Variants in ROBO1 observed in about 807,000 individuals in gnomAD.
The protein encoded by ROBO1 is roundabout homolog 1.
Under a neutral mutation model 195.9 loss-of-function variants are expected in ROBO1, and 149 were observed. That is an observed-to-expected ratio of 0.76 (90% CI 0.67 to 0.87). The LOEUF (loss-of-function observed/expected upper bound fraction) is 0.87, where lower values mean the gene tolerates loss of function less well. Ranked by LOEUF, ROBO1 falls within the 40% of genes least tolerant of loss-of-function variation. ROBO1 has a pLI of 0.00. For missense variants in ROBO1, 1,933 were observed against 2,068.3 expected, an observed-to-expected ratio of 0.93 and a Z score of 1.27; for synonymous variants, 816 against 733.2, an observed-to-expected ratio of 1.11 and a Z score of -1.82.
chr3:79,552,967 A>G lies in ROBO1; in HGVS notation c.88+36857T>C, dbSNP rs935387702. The stretch of plus-strand genomic sequence containing the variant: ...TGCTAAGGCCATTATGGCTCATGTA[A>G]ACAAATGGAAATATAATCTTGTGCA... On this transcript the variant is annotated intron_variant, in intron 2 of 30. Transcript: ENST00000464233. 7.4e-4 allele frequency among the ~76,000 whole-genome samples: 112 copies of G among 152,066 alleles called. 1 individual carries two copies. Among genetic ancestry groups the G allele is most frequent in the Non-Finnish European group, 1.5e-4 (10 of 67,954 alleles).
At chr3:78,853,579 C>T (rs555611100) in intron 4 of ROBO1, among the ~76,000 whole-genome samples, 2 of 151,802 alleles carry the variant, frequency 1.3e-5, no homozygotes, top group South Asian at 4.2e-4. Flanking sequence ...CTAGATGTTG[C>T]TATAAAGGTA....
chr3:78,989,434 CAAA>C (rs1292397224), intron 3 of ROBO1, among the ~76,000 whole-genome samples: 2 of 152,024 alleles, frequency 1.3e-5, no homozygotes, highest in Non-Finnish European at 2.9e-5. Context: ...GCCAACATGG[CAAA>C]ACCTTGTCTC....
At chr3:78,633,123 G>T (rs1705279102) in intron 24 of ROBO1, among the ~76,000 whole-genome samples, 1 of 152,166 alleles carries the variant, frequency 6.6e-6, no homozygotes, top group South Asian at 2.1e-4. Flanking sequence ...TTGGCTAAAA[G>T]CCCCTAAGAA....
chr3:79,546,568 A>T (rs1330121475), intron 2 of ROBO1, among the ~76,000 whole-genome samples: 2 of 152,152 alleles, frequency 1.3e-5, no homozygotes. Flanking sequence ...TATAGGATAC[A>T]CTCCACTTTT....
intron 2 of ROBO1, among the ~76,000 whole-genome samples, chr3:79,264,178 T>C (rs2108949862): frequency 6.6e-6 from 1 of 152,174 alleles, no homozygotes; most frequent in East Asian, 1.9e-4. Context: ...TCCTGCTTTT[T>C]CAACCCACTG....
chr3:79,508,655 G>A (rs577697138), intron 2 of ROBO1, among the ~76,000 whole-genome samples: 1 of 152,144 alleles, frequency 6.6e-6, no homozygotes, highest in East Asian at 1.9e-4. Context: ...ATTAAAATTT[G>A]TGTTAGTATT....
At chr3:79,148,034 C>CT (rs1408985274) in intron 2 of ROBO1, among the ~76,000 whole-genome samples, 1 of 151,806 alleles carries the variant, frequency 6.6e-6, no homozygotes, top group African/African-American at 2.4e-5. Context: ...TCAGAAATAG[C>CT]TTTTTTCTTT....
intron 2 of ROBO1, among the ~76,000 whole-genome samples, chr3:79,522,263 A>C (rs1941240549): frequency 6.6e-6 from 1 of 151,994 alleles, no homozygotes. Flanking sequence ...GTTTTTCTGC[A>C]ATAGTCCCCT....
intron 26 of ROBO1, among the ~76,000 whole-genome samples, chr3:78,626,979 CA>C (rs1704834900): frequency 6.6e-6 from 1 of 152,006 alleles, no homozygotes; most frequent in Admixed American, 6.6e-5. Flanking sequence ...CTTATTGATA[CA>C]AAAGGAACAC....
intron 2 of ROBO1, among the ~76,000 whole-genome samples, chr3:79,537,906 T>TA (rs111873406): frequency 0.23 from 34,666 of 151,444 alleles, 5,337 homozygotes; most frequent in African/African-American, 0.42. Context: ...AAAATAAAAA[T>TA]AAAAAAACAC....
chr3:78,653,309 G>A (rs538872433), intron 18 of ROBO1, among the ~76,000 whole-genome samples: 33 of 152,038 alleles, frequency 2.2e-4, no homozygotes, highest in Non-Finnish European at 4.0e-4. Flanking sequence ...CTCCCTGTGG[G>A]ATATGTAGAT....
chr3:79,000,670 T>C (rs1322305698), intron 3 of ROBO1, among the ~76,000 whole-genome samples: 2 of 152,002 alleles, frequency 1.3e-5, no homozygotes, highest in Non-Finnish European at 2.9e-5. Flanking sequence ...TTTTACACTG[T>C]TGGGAGTGTA....
At chr3:78,882,913 A>C (rs1347956633) in intron 4 of ROBO1, among the ~76,000 whole-genome samples, 1 of 151,346 alleles carries the variant, frequency 6.6e-6, no homozygotes, top group African/African-American at 2.4e-5. Context: ...CCCAGGTTCA[A>C]GCAATGATCC....
At chr3:79,765,362 GC>G (rs1704928098) in intron 1 of ROBO1, among the ~76,000 whole-genome samples, 1 of 152,180 alleles carries the variant, frequency 6.6e-6, no homozygotes, top group African/African-American at 2.4e-5. Flanking sequence ...TCTGCTCCGA[GC>G]TGCTGCTGCT....
At chr3:79,746,006 A>T (rs1202310410) in intron 1 of ROBO1, among the ~76,000 whole-genome samples, 1 of 152,140 alleles carries the variant, frequency 6.6e-6, no homozygotes, top group Non-Finnish European at 1.5e-5. Context: ...GCCACAGAAT[A>T]CGAGAATGTG....
Position 78,661,928 on chromosome 3 carries a change from T to C in ROBO1, c.2088+65A>G. The C allele has an allele frequency of 2.6e-6, 4 of 1,531,050 alleles. No homozygotes were observed. The South Asian group carries it at 3.7e-5, about 14-fold the overall frequency. 94.8% of individuals were successfully genotyped at this position (1,531,050 alleles called of 1,614,324 possible). On this transcript the variant is annotated intron_variant, in intron 15 of 30. Coordinates refer to ENST00000464233, the MANE Select transcript of ROBO1 (RefSeq NM_002941.4). ...AAGTAGGCAACAGATAGTTACATTT[T>C]ATATGCATTGCAATGATCTCGCAGA...
rs78701358 is a variant in ROBO1 at position 79,617,288 on chromosome 3, T to C, written c.-50-27327A>G. ...CCATCTACTGGACTGGAGGCTGAAT[T>C]TCACAACCAAATAAAAATACTTGTT... On this transcript the variant is annotated intron_variant, in intron 1 of 30. Coordinates refer to ENST00000464233, the MANE Select transcript of ROBO1 (RefSeq NM_002941.4). Among the ~76,000 whole-genome samples, 1,434 of 152,190 alleles carry C rather than the reference T, an allele frequency of 9.4e-3. 21 individuals carry two copies. Among genetic ancestry groups the C allele is most frequent in the African/African-American group, 0.033 (1,370 of 41,536 alleles).
intron 2 of ROBO1, among the ~76,000 whole-genome samples, chr3:79,585,544 C>A (rs1943801634): frequency 6.6e-6 from 1 of 151,954 alleles, no homozygotes; most frequent in Non-Finnish European, 1.5e-5. Flanking sequence ...GGCATCAAAT[C>A]TGCTCCTCCA....
chr3:79,269,214 T>C (rs2030289003), intron 2 of ROBO1, among the ~76,000 whole-genome samples: 1 of 151,742 alleles, frequency 6.6e-6, no homozygotes, highest in Non-Finnish European at 1.5e-5. Context: ...TACGAAAATA[T>C]GAGGGAAAAT....
Sources: allele counts gnomAD v4.1 joint callset (sites outside exome capture counted in the v4.1 genomes callset), GRCh38; gene constraint gnomAD v4.1.1; transcripts MANE v1.5; gene names NCBI Gene and HGNC (gene_info 2026-07-23, HGNC 2026-07-21).